KCNN3: variants seen among roughly 807,000 people sequenced by gnomAD.
The protein encoded by KCNN3 is potassium calcium-activated channel subfamily N member 3, also known as small conductance calcium-activated potassium channel protein 3.
In KCNN3, 16 loss-of-function variants were observed where a neutral mutation model predicts 62.9. That is an observed-to-expected ratio of 0.25 (90% CI 0.17 to 0.39). KCNN3 has a LOEUF of 0.39. KCNN3 is among the 10% of genes least tolerant of loss of function. The pLI is 1.00. For missense variants in KCNN3, 599 were observed against 949.4 expected (o/e 0.63, Z 4.85); for synonymous variants, 370 against 389.2 (o/e 0.95, Z 0.58).
chr1:154,799,351 G>A (rs756078370), intron 2 of KCNN3, among the ~76,000 whole-genome samples: 28 of 152,314 alleles, frequency 1.8e-4, no homozygotes, highest in Middle Eastern at 3.4e-3. Context: ...TGTGGGATTA[G>A]GTCACACTGT....
chr1:154,797,806 C>T (rs369164331), intron 2 of KCNN3, among the ~76,000 whole-genome samples: 2 of 152,270 alleles, frequency 1.3e-5, no homozygotes, highest in Non-Finnish European at 1.5e-5. Context: ...GGACCAGAGG[C>T]GTGGACACAG....
intron 2 of KCNN3, among the ~76,000 whole-genome samples, chr1:154,783,859 C>T (rs1335561627): frequency 1.3e-5 from 2 of 152,174 alleles, no homozygotes; most frequent in Non-Finnish European, 2.9e-5. Context: ...TGTGCCACCA[C>T]CACCTCACCC....
At chr1:154,813,111 G>C (rs1557988538) in intron 2 of KCNN3, among the ~76,000 whole-genome samples, 1 of 151,912 alleles carries the variant, frequency 6.6e-6, no homozygotes, top group African/African-American at 2.4e-5. Flanking sequence ...CAAGTGATCA[G>C]CATCCCAGAC....
At chr1:154,842,325 C>T (rs886341647) in intron 1 of KCNN3, among the ~76,000 whole-genome samples, 1 of 152,170 alleles carries the variant, frequency 6.6e-6, no homozygotes, top group African/African-American at 2.4e-5. Context: ...CAGGCACCCA[C>T]AGAGCCCTGG....
chr1:154,813,162 G>A (rs1033882663), intron 2 of KCNN3, among the ~76,000 whole-genome samples: 1 of 151,648 alleles, frequency 6.6e-6, no homozygotes, highest in Non-Finnish European at 1.5e-5. Context: ...AATGGGCAGA[G>A]GGTTGCTGGG....
chr1:154,732,816 C>G (rs1223855322), intron 4 of KCNN3, among the ~76,000 whole-genome samples, 187 bp downstream of exon 4: 1 of 152,212 alleles, frequency 6.6e-6, no homozygotes, highest in Non-Finnish European at 1.5e-5. Context: ...GAAAAGTTAA[C>G]TGAAAAGTGA....
intron 2 of KCNN3, among the ~76,000 whole-genome samples, chr1:154,805,795 T>G (rs910616539): frequency 7.2e-5 from 11 of 152,204 alleles, no homozygotes; most frequent in Non-Finnish European, 1.2e-4. Flanking sequence ...TAGAGGATTG[T>G]GGTAGGCAGA....
In KCNN3 at chr1:154,869,113, A is replaced by G. The variant is rs746447168; in HGVS notation, c.852T>C (p.Ser284=). The change falls in exon 1 of 8, where the codon AGT becomes AGC. Residue 284 remains serine (S), a synonymous_variant. Coordinates refer to ENST00000271915, the MANE Select transcript of KCNN3 (RefSeq NM_002249.6). This position sits in a 1 kb window ranked among gnomAD's most constrained non-coding sequence, Gnocchi z 6.1. ...ACATCCCAAAAATCAGAGCATAGTC[A>G]CTCAGTCGCTTTCTCTTTTCAAACA... ...RALFEKRKRL[S]DYALIFGMFG... 4.3e-6 allele frequency: 7 copies of G among 1,613,988 alleles called. No individual in the cohort carries two copies. The highest frequency in any genetic ancestry group is 2.7e-5 in the African/African-American group (2 of 74,902).
At chr1:154,782,984 G>A (rs1421149978) in intron 2 of KCNN3, among the ~76,000 whole-genome samples, 4 of 152,298 alleles carry the variant, frequency 2.6e-5, no homozygotes, top group Admixed American at 1.3e-4. Context: ...AGGCCGAGGC[G>A]GGCGGATCAT....
chr1:154,856,039 G>T (rs964868481), intron 1 of KCNN3, among the ~76,000 whole-genome samples: 1 of 152,186 alleles, frequency 6.6e-6, no homozygotes, highest in Non-Finnish European at 1.5e-5. Context: ...GAGCCCAACA[G>T]CCTCAGGTAC....
At chr1:154,790,061 A>G (rs1649444554) in intron 2 of KCNN3, among the ~76,000 whole-genome samples, 1 of 152,160 alleles carries the variant, frequency 6.6e-6, no homozygotes, top group Non-Finnish European at 1.5e-5. Context: ...GGCATGCACT[A>G]CAATGCCCAG....
intron 2 of KCNN3, among the ~76,000 whole-genome samples, chr1:154,784,962 C>G (rs1649215458): frequency 6.6e-6 from 1 of 152,206 alleles, no homozygotes; most frequent in African/African-American, 2.4e-5. Context: ...GTGTGCTGCC[C>G]CCAGGCTGTG....
chr1:154,752,396 T>TGAAG (rs1171913261), intron 3 of KCNN3, among the ~76,000 whole-genome samples: 3 of 140,550 alleles, frequency 2.1e-5, no homozygotes. Context: ...ACTGAGCAGA[T>TGAAG]GAAGGAAGGA....
chr1:154,864,384 CT>C (rs1423320685), intron 1 of KCNN3, among the ~76,000 whole-genome samples: 2 of 152,274 alleles, frequency 1.3e-5, no homozygotes, highest in Non-Finnish European at 2.9e-5. Context: ...CAAGCCTGCA[CT>C]GCTGCTCTGC....
intron 4 of KCNN3, 102 bp from the exon 5 acceptor site, chr1:154,726,128 G>A: frequency 5.0e-6 from 4 of 805,826 alleles, no homozygotes; most frequent in Non-Finnish European, 8.2e-6. Flanking sequence ...AATTTCCTGG[G>A]AGTGGAGTGG....
chr1:154,865,546 G>A (rs1558013461), intron 1 of KCNN3, among the ~76,000 whole-genome samples: 1 of 152,206 alleles, frequency 6.6e-6, no homozygotes, highest in Non-Finnish European at 1.5e-5. Context: ...TCCTAGCAGA[G>A]CTTACTTCCA....
chr1:154,743,584 T>A (rs1238937250), intron 3 of KCNN3, among the ~76,000 whole-genome samples: 1 of 152,204 alleles, frequency 6.6e-6, no homozygotes, highest in Non-Finnish European at 1.5e-5. Context: ...CACTTTACAA[T>A]GGTGCAAAAG....
intron 1 of KCNN3, among the ~76,000 whole-genome samples, chr1:154,825,571 T>C (rs886435947): frequency 2.1e-4 from 32 of 151,416 alleles, no homozygotes; most frequent in Non-Finnish European, 3.4e-4. Context: ...TTTCACCGTG[T>C]TAGCCAGGAT....
intron 3 of KCNN3, chr1:154,737,158 T>G: frequency 2.4e-6 from 1 of 412,010 alleles, no homozygotes; most frequent in East Asian, 6.6e-5. Flanking sequence ...TTTACACATG[T>G]CACAAACTCA....
Sources: gnomAD v4.1 joint callset for allele counts (sites outside exome capture counted in the v4.1 genomes callset) on GRCh38, gnomAD v4.1.1 for gene constraint, Gnocchi (gnomAD v3.1) non-coding constraint, MANE v1.5 for transcripts, NCBI Gene and HGNC (gene_info 2026-07-23, HGNC 2026-07-21) for gene names.